The following TRPV3 variants were observed in gnomAD, a reference collection of about 807,000 sequenced individuals.
TRPV3 encodes the protein transient receptor potential cation channel subfamily V member 3.
In TRPV3, 88 loss-of-function variants were observed where a neutral mutation model predicts 87.1. That is an observed-to-expected ratio of 1.01 (90% confidence interval 0.85 to 1.21). The LOEUF (loss-of-function observed/expected upper bound fraction) is 1.21. TRPV3 is among the 50% of genes most tolerant of loss of function. TRPV3 has a pLI of 0.00. For synonymous variants in TRPV3, 438 were observed against 423.3 expected, an observed-to-expected ratio of 1.03 and a Z score of -0.43; for missense variants, 1,054 against 1,030.1, an observed-to-expected ratio of 1.02 and a Z score of -0.32.
chr17:3,528,130 C>G lies in TRPV3; in HGVS notation c.1402-4G>C. The stretch of plus-strand genomic sequence containing the variant: ...GGGCCAAGGGGTGCGGGATGGCCTG[C>G]AGGGAAAGAAGAGGGGTGGTCAGTA... On this transcript the variant is annotated splice_polypyrimidine_tract_variant and splice_region_variant and intron_variant, in intron 10 of 17. Transcript: ENST00000576742. This position sits in a 1 kb window ranked among gnomAD's most constrained non-coding sequence, Gnocchi z 4.2. 1 of 1,609,950 alleles carries G rather than the reference C, an allele frequency of 6.2e-7. No individual in the cohort carries two copies. The highest frequency in any genetic ancestry group is 8.5e-7 in the Non-Finnish European group (1 of 1,177,924).
rs928081524 is a variant in TRPV3 at position 3,556,830 on chromosome 17, T to C, written c.-3+846A>G. Among the ~76,000 whole-genome samples, 1 of 152,104 alleles carries C rather than the reference T, an allele frequency of 6.6e-6. No homozygotes were observed. Among genetic ancestry groups the C allele is most frequent in the Non-Finnish European group, 1.5e-5 (1 of 67,996 alleles). On this transcript the variant is annotated intron_variant, in intron 1 of 17. Coordinates refer to ENST00000576742, the MANE Select transcript of TRPV3 (RefSeq NM_145068.4). The surrounding 1 kb of genome is among the most constrained non-coding windows in gnomAD (Gnocchi z 4.2). ...ATGAGGATGGGCAGCCTCTATGGCT[T>C]TCCCCATCCCCACGTGGCCTTTGGT...
chr17:3,518,867 G>A lies in TRPV3; in HGVS notation c.1811-17C>T, dbSNP rs1290120430. 10 of 1,607,356 alleles carry A rather than the reference G, an allele frequency of 6.2e-6. No individual in the cohort carries two copies. The highest frequency in any genetic ancestry group is 6.8e-6 in the Non-Finnish European group (8 of 1,176,116). On this transcript the variant is annotated splice_polypyrimidine_tract_variant and intron_variant, in intron 14 of 17. Transcript: ENST00000576742. The surrounding 1 kb of genome is among the most constrained non-coding windows in gnomAD (Gnocchi z 4.3). ...AGGCCAAGGCTAAGGGAACATAACA[G>A]GGTGCTCTCCTCAGCTCTCTGCCTG...
In TRPV3 at chr17:3,544,679, C is replaced by T; in HGVS notation, c.225-14G>A. The stretch of plus-strand genomic sequence containing the variant: ...TTACCAGAGATGCTGGAGGTGTTGG[C>T]AGGGGGAACAGAGAGGGTTTTAAAG... On this transcript the variant is annotated splice_polypyrimidine_tract_variant and intron_variant, in intron 3 of 17. Transcript: ENST00000576742. 1 of 1,593,192 alleles carries T rather than the reference C, an allele frequency of 6.3e-7. No individual in the cohort carries two copies.
At chr17:3,532,569 T>C in intron 8 of TRPV3, 88 bp downstream of exon 8, 3 of 1,482,684 alleles carry the variant, frequency 2.0e-6, no homozygotes, top group South Asian at 1.3e-5. Context: ...GGTTTGTGAA[T>C]CCCCAGTAAG....
chr17:3,525,182 G>A (rs1481678165), intron 12 of TRPV3, among the ~76,000 whole-genome samples: 2 of 151,972 alleles, frequency 1.3e-5, no homozygotes, highest in Non-Finnish European at 2.9e-5. Flanking sequence ...ACCACACCAG[G>A]CTCATTTTTG....
intron 7 of TRPV3, among the ~76,000 whole-genome samples, chr17:3,535,304 C>T (rs947624209): frequency 7.9e-6 from 1 of 126,604 alleles, no homozygotes; most frequent in African/African-American, 2.9e-5. Context: ...CTTCCTGCTT[C>T]CCTCTTCCTT....
chr17:3,555,236 C>T (rs990869009), intron 1 of TRPV3, among the ~76,000 whole-genome samples: 3 of 152,214 alleles, frequency 2.0e-5, no homozygotes, highest in African/African-American at 7.2e-5. Flanking sequence ...TCTCATGACA[C>T]CCTCTCCAGC....
chr17:3,525,203 A>G (rs1438759900), intron 12 of TRPV3, among the ~76,000 whole-genome samples: 1 of 152,142 alleles, frequency 6.6e-6, no homozygotes, highest in Non-Finnish European at 1.5e-5. Context: ...TATTTTTAGT[A>G]GAGATGGGGT....
intron 16 of TRPV3, among the ~76,000 whole-genome samples, chr17:3,514,923 G>A (rs1190935879): frequency 1.3e-5 from 2 of 152,106 alleles, no homozygotes; most frequent in Non-Finnish European, 2.9e-5. Flanking sequence ...CCTGCAAGTT[G>A]CCCAGACAGG....
intron 2 of TRPV3, 48 bp downstream of exon 2, chr17:3,554,684 G>C (rs201842949): frequency 7.5e-7 from 1 of 1,341,578 alleles, no homozygotes; most frequent in Non-Finnish European, 1.1e-6. Context: ...GCCCCCACTC[G>C]TGCCCCTCAC....
intron 16 of TRPV3, 50 bp downstream of exon 16, chr17:3,516,407 C>CT (rs1398810808): frequency 6.9e-7 from 1 of 1,458,906 alleles, no homozygotes; most frequent in Non-Finnish European, 9.6e-7. Context: ...TCCTGCCCCT[C>CT]TCTACCCACC....
intron 12 of TRPV3, 25 bp from the exon 13 acceptor site, chr17:3,524,388 G>C: frequency 1.2e-6 from 2 of 1,612,350 alleles, no homozygotes; most frequent in Non-Finnish European, 8.5e-7. Flanking sequence ...CAGGAGACAC[G>C]GGCCTTACTT....
intron 9 of TRPV3, among the ~76,000 whole-genome samples, chr17:3,529,526 C>G (rs1224067664): frequency 6.6e-6 from 1 of 152,146 alleles, no homozygotes; most frequent in Non-Finnish European, 1.5e-5. Context: ...CCTCTCATAG[C>G]TGCTCCTCTC....
intron 2 of TRPV3, chr17:3,546,795 C>T: frequency 2.4e-6 from 1 of 409,760 alleles, no homozygotes; most frequent in Non-Finnish European, 5.0e-6. Flanking sequence ...GCGGCAAAAC[C>T]CTGTGTCTAC....
In TRPV3 at chr17:3,556,717, C is replaced by T. The variant is rs1036616965; in HGVS notation, c.-3+959G>A. Among the ~76,000 whole-genome samples, 4 of 152,108 alleles carry T rather than the reference C, an allele frequency of 2.6e-5. No homozygotes were observed. Among genetic ancestry groups the T allele is most frequent in the African/African-American group, 9.7e-5 (4 of 41,424 alleles). ...GCGAGGGAGAGCTTTGGCCCTGGAG[C>T]GTAGGCAACCTTGAGGCCAGGCAGG... On this transcript the variant is annotated intron_variant, in intron 1 of 17. Coordinates refer to ENST00000576742, the MANE Select transcript of TRPV3 (RefSeq NM_145068.4). The surrounding 1 kb of genome is among the most constrained non-coding windows in gnomAD (Gnocchi z 4.2).
chr17:3,545,083 C>G (rs887859924), intron 3 of TRPV3, 84 bp downstream of exon 3: 9 of 887,248 alleles, frequency 1.0e-5, no homozygotes, highest in Non-Finnish European at 7.3e-6. Flanking sequence ...GGCCTGGCCC[C>G]GTGACCCAGG....
At chr17:3,517,242 C>A (rs957100011) in intron 15 of TRPV3, among the ~76,000 whole-genome samples, 2 of 148,504 alleles carry the variant, frequency 1.3e-5, no homozygotes, top group Admixed American at 7.0e-5. Flanking sequence ...ATTTGTCCCA[C>A]CCCCTCCCAG....
At chr17:3,550,749 C>A (rs1206588791) in intron 2 of TRPV3, among the ~76,000 whole-genome samples, 2 of 152,182 alleles carry the variant, frequency 1.3e-5, no homozygotes, top group African/African-American at 4.8e-5. Context: ...TGGTCTTGAT[C>A]TCCTGACCTC....
chr17:3,519,915 TGGA>T (rs1392167051), intron 14 of TRPV3, among the ~76,000 whole-genome samples: 54 of 147,640 alleles, frequency 3.7e-4, no homozygotes, highest in African/African-American at 1.3e-3. Flanking sequence ...GATGGATGGA[TGGA>T]TGGATGGATG....
Sources: gnomAD v4.1 joint callset for allele counts (sites outside exome capture counted in the v4.1 genomes callset) on GRCh38, gnomAD v4.1.1 for gene constraint, Gnocchi (gnomAD v3.1) non-coding constraint, MANE v1.5 for transcripts, NCBI Gene and HGNC (gene_info 2026-07-23, HGNC 2026-07-21) for gene names.